Variants in VPS13A observed in about 807,000 individuals in gnomAD.
VPS13A encodes the protein intermembrane lipid transfer protein VPS13A.
Under a neutral mutation model 390.9 loss-of-function variants are expected in VPS13A, and 264 were observed. That is an observed-to-expected ratio of 0.68 (90% CI 0.61 to 0.75). The LOEUF (loss-of-function observed/expected upper bound fraction) is 0.75. Ranked by LOEUF, VPS13A falls within the 30% of genes least tolerant of loss-of-function variation. VPS13A has a pLI of 0.00. For missense variants in VPS13A, 3,409 were observed against 3,733.9 expected (o/e 0.91, Z 2.27); for synonymous variants, 1,231 against 1,227.1 (o/e 1.00, Z -0.07).
intron 68 of VPS13A, among the ~76,000 whole-genome samples, chr9:77,399,056 T>G (rs1433764378): frequency 2.1e-5 from 3 of 142,968 alleles, no homozygotes; most frequent in Non-Finnish European, 4.6e-5. Context: ...TTGGGAGATA[T>G]ACCTAATGCT....
chr9:77,344,687 A>T (rs1028440715), intron 51 of VPS13A, among the ~76,000 whole-genome samples: 1 of 151,614 alleles, frequency 6.6e-6, no homozygotes, highest in Non-Finnish European at 1.5e-5. Flanking sequence ...TGAACCCGGG[A>T]GGTGGAGCTT....
intron 22 of VPS13A, among the ~76,000 whole-genome samples, chr9:77,252,808 CAT>C (rs1246981517): frequency 6.6e-6 from 1 of 152,186 alleles, no homozygotes; most frequent in Non-Finnish European, 1.5e-5. Context: ...CATGTTGGAG[CAT>C]ATGTCAGAAT....
intron 17 of VPS13A, among the ~76,000 whole-genome samples, chr9:77,232,766 C>G (rs995988323): frequency 3.9e-5 from 6 of 152,144 alleles, no homozygotes; most frequent in Non-Finnish European, 7.4e-5. Context: ...GAGAACAGCA[C>G]TGGAAAAACC....
intron 35 of VPS13A, among the ~76,000 whole-genome samples, chr9:77,310,373 A>G (rs1829000656): frequency 6.6e-6 from 1 of 152,246 alleles, no homozygotes; most frequent in Non-Finnish European, 1.5e-5. Context: ...TAGAAGAAAA[A>G]TAGCATGAAT....
In VPS13A at chr9:77,421,055, T is replaced by C. The variant is rs1373405739; in HGVS notation, c.*5049T>C. On this transcript the variant is annotated 3_prime_UTR_variant, in exon 72 of 72. Coordinates refer to ENST00000360280, the MANE Select transcript of VPS13A (RefSeq NM_033305.3). ...TCTCTGTATGTGACTGTGTATTACA[T>C]ATAAAAATGAATTTTTCAGGAAAAG... The C allele has an allele frequency of 6.6e-6, 1 of 152,228 alleles. No homozygotes were observed. The highest frequency in any genetic ancestry group is 1.5e-5 in the Non-Finnish European group (1 of 68,036). The allele number at this position is 152,228 out of a possible 1,614,324, so 9.4% of individuals were successfully genotyped here. A position where few individuals can be genotyped will look rare whatever the true frequency, so the allele number is the denominator to read the frequency against.
At chr9:77,266,369 ATCTG>A in intron 23 of VPS13A, among the ~76,000 whole-genome samples, 1 of 152,282 alleles carries the variant, frequency 6.6e-6, no homozygotes, top group South Asian at 2.1e-4. Context: ...TGTCTTCTTG[ATCTG>A]TCTAATATTG....
chr9:77,217,965 CAT>C (rs1822958876), intron 10 of VPS13A, among the ~76,000 whole-genome samples: 2 of 151,976 alleles, frequency 1.3e-5, no homozygotes, highest in South Asian at 4.2e-4. Context: ...TCCTCACCAA[CAT>C]GTGTCATTTT....
chr9:77,207,212 ATTATAT>A (rs1285340545), intron 5 of VPS13A, among the ~76,000 whole-genome samples: 8 of 28,880 alleles, frequency 2.8e-4, no homozygotes, highest in African/African-American at 6.5e-4. Context: ...TTATTTAGAT[ATTATAT>A]ATATATATAT....
chr9:77,412,860 A>G (rs1478034936), intron 71 of VPS13A, among the ~76,000 whole-genome samples: 1 of 150,976 alleles, frequency 6.6e-6, no homozygotes, highest in Non-Finnish European at 1.5e-5. Flanking sequence ...CCATCGTCTC[A>G]GCCCCAAATC....
At chr9:77,332,580 T>G (rs1048938690) in intron 46 of VPS13A, among the ~76,000 whole-genome samples, 9 of 151,794 alleles carry the variant, frequency 5.9e-5, no homozygotes, top group Admixed American at 5.2e-4. Context: ...TATACTATAT[T>G]AATTTTAAAT....
chr9:77,311,218 C>T (rs371471834), intron 35 of VPS13A, among the ~76,000 whole-genome samples: 1 of 152,258 alleles, frequency 6.6e-6, no homozygotes. Flanking sequence ...GCCACCATGC[C>T]TGGCCCACTT....
intron 31 of VPS13A, among the ~76,000 whole-genome samples, chr9:77,285,764 CT>C (rs535727715): frequency 1.0e-3 from 158 of 152,276 alleles, no homozygotes; most frequent in Admixed American, 2.2e-3. Flanking sequence ...CTGGGATTCA[CT>C]TTATTTTATT....
intron 19 of VPS13A, 94 bp downstream of exon 19, chr9:77,238,480 A>G (rs1824280234): frequency 4.2e-6 from 4 of 953,642 alleles, no homozygotes; most frequent in Non-Finnish European, 6.6e-6. Context: ...TTTATTTTAA[A>G]TTTATTATAT....
chr9:77,392,268 A>T (rs545177942), intron 68 of VPS13A, among the ~76,000 whole-genome samples: 3 of 152,104 alleles, frequency 2.0e-5, no homozygotes, highest in African/African-American at 7.2e-5. Flanking sequence ...ATACCAATGA[A>T]CGGTTAAAAT....
At chr9:77,302,007 G>T (rs1828392678) in intron 33 of VPS13A, among the ~76,000 whole-genome samples, 1 of 151,602 alleles carries the variant, frequency 6.6e-6, no homozygotes, top group African/African-American at 2.4e-5. Context: ...GCCCAGGCTG[G>T]AGAGCAATGG....
chr9:77,379,619 C>G (rs1238823401), intron 67 of VPS13A, among the ~76,000 whole-genome samples: 1 of 152,106 alleles, frequency 6.6e-6, no homozygotes. Context: ...AGTGATCTGA[C>G]CACCTCGGCC....
chr9:77,247,714 A>G (rs1413105778), intron 20 of VPS13A, among the ~76,000 whole-genome samples: 2 of 152,062 alleles, frequency 1.3e-5, no homozygotes, highest in Non-Finnish European at 2.9e-5. Flanking sequence ...AGGCTGGAAT[A>G]CAGTACTGCG....
chr9:77,214,458 A>G (rs1056913414), intron 10 of VPS13A, 72 bp downstream of exon 10: 5 of 1,243,954 alleles, frequency 4.0e-6, no homozygotes, highest in Non-Finnish European at 5.9e-6. Flanking sequence ...CATTGTTGCT[A>G]TCACTGTGCT....
At chr9:77,351,699 T>G (rs1194958242) in intron 53 of VPS13A, among the ~76,000 whole-genome samples, 2 of 152,246 alleles carry the variant, frequency 1.3e-5, no homozygotes, top group South Asian at 4.1e-4. Context: ...TGAAACTCCG[T>G]CTCTACTAAA....
Sources: allele counts gnomAD v4.1 joint callset (sites outside exome capture counted in the v4.1 genomes callset), GRCh38; gene constraint gnomAD v4.1.1; transcripts MANE v1.5; gene names NCBI Gene and HGNC (gene_info 2026-07-23, HGNC 2026-07-21).